Variants in EDIL3 observed in about 807,000 individuals in gnomAD.
The protein encoded by EDIL3 is EGF like and discoidin domains 3.
In EDIL3, 37 loss-of-function variants were observed where a neutral mutation model predicts 67.4. The observed-to-expected ratio is 0.55, with a 90% CI of 0.42 to 0.72. The LOEUF (loss-of-function observed/expected upper bound fraction) is 0.72. Ranked by LOEUF, EDIL3 falls within the 30% of genes least tolerant of loss-of-function variation. The pLI, the probability that EDIL3 is intolerant of heterozygous loss-of-function variation, is 0.00. For missense variants in EDIL3, 527 were observed against 586.3 expected (o/e 0.90, Z 1.04); for synonymous variants, 195 against 196.3 (o/e 0.99, Z 0.05).
chr5:84,165,003 G>C (rs941120001), intron 4 of EDIL3, among the ~76,000 whole-genome samples: 2 of 152,010 alleles, frequency 1.3e-5, no homozygotes, highest in Admixed American at 1.3e-4. Context: ...GGGAAATTAA[G>C]GATCCTGAAG....
chr5:84,158,456 A>T (rs182342733), intron 4 of EDIL3, among the ~76,000 whole-genome samples: 24 of 152,194 alleles, frequency 1.6e-4, no homozygotes, highest in South Asian at 4.1e-4. Flanking sequence ...ACATGCCCTG[A>T]ATTATCCTAC....
chr5:84,273,159 A>G (rs2112098532), intron 1 of EDIL3, among the ~76,000 whole-genome samples: 1 of 152,282 alleles, frequency 6.6e-6, no homozygotes, highest in African/African-American at 2.4e-5. Flanking sequence ...CTTTAGTAAG[A>G]GCAAGGAAAT....
At chr5:84,173,090 G>A (rs750011568) in intron 4 of EDIL3, among the ~76,000 whole-genome samples, 5 of 152,194 alleles carry the variant, frequency 3.3e-5, no homozygotes, top group African/African-American at 4.8e-5. Flanking sequence ...CTGAGAAGGA[G>A]AAATCTGCGA....
chr5:84,344,390 G>A (rs1747194754), intron 1 of EDIL3, among the ~76,000 whole-genome samples: 2 of 151,876 alleles, frequency 1.3e-5, no homozygotes, highest in South Asian at 4.2e-4. Context: ...CATATATTGT[G>A]GCAAGTGTGA....
intron 5 of EDIL3, among the ~76,000 whole-genome samples, chr5:84,107,192 T>C (rs772381570): frequency 1.3e-5 from 2 of 152,082 alleles, no homozygotes; most frequent in Non-Finnish European, 2.9e-5. Context: ...GCCTCACAAA[T>C]TATAAGCTCT....
chr5:84,106,065 T>G (rs978067376), intron 6 of EDIL3, among the ~76,000 whole-genome samples: 23 of 152,094 alleles, frequency 1.5e-4, no homozygotes, highest in African/African-American at 5.1e-4. Flanking sequence ...AGCATTGAAA[T>G]GTACAGAAAT....
chr5:84,332,513 AG>A (rs1419664035), intron 1 of EDIL3, among the ~76,000 whole-genome samples: 1 of 152,222 alleles, frequency 6.6e-6, no homozygotes, highest in Non-Finnish European at 1.5e-5. Context: ...CATGAACTCA[AG>A]TAACTGTTTT....
intron 9 of EDIL3, among the ~76,000 whole-genome samples, chr5:84,054,787 C>A (rs1387983446): frequency 6.6e-6 from 1 of 151,172 alleles, no homozygotes; most frequent in African/African-American, 2.5e-5. Context: ...GAACTACAAA[C>A]CACTGCTCAA....
intron 9 of EDIL3, among the ~76,000 whole-genome samples, chr5:84,032,163 T>G (rs1745936399): frequency 6.6e-6 from 1 of 152,210 alleles, no homozygotes; most frequent in African/African-American, 2.4e-5. Flanking sequence ...TAAGATCAAT[T>G]AACATTCTCT....
intron 9 of EDIL3, among the ~76,000 whole-genome samples, chr5:84,021,994 C>T (rs1175495784): frequency 6.6e-6 from 1 of 151,872 alleles, no homozygotes; most frequent in Non-Finnish European, 1.5e-5. Context: ...TAATACCAAT[C>T]CTCCCCAAGT....
intron 6 of EDIL3, among the ~76,000 whole-genome samples, chr5:84,075,874 G>A (rs992158977): frequency 1.6e-5 from 2 of 124,834 alleles, no homozygotes; most frequent in Admixed American, 9.2e-5. Context: ...GTACAAACAC[G>A]TGCAAAAGTG....
chr5:84,311,312 CT>C (rs900034474), intron 1 of EDIL3, among the ~76,000 whole-genome samples: 1,634 of 93,874 alleles, frequency 0.017, 25 homozygotes, highest in African/African-American at 0.048. Flanking sequence ...AATGTATTTT[CT>C]TTTTTTTTTT....
At chr5:84,236,771 T>C (rs1027708515) in intron 2 of EDIL3, among the ~76,000 whole-genome samples, 1 of 151,952 alleles carries the variant, frequency 6.6e-6, no homozygotes, top group African/African-American at 2.4e-5. Context: ...GTAAATTTAA[T>C]GACTGTTTTT....
At chr5:84,215,560 C>A (rs918915915) in intron 3 of EDIL3, among the ~76,000 whole-genome samples, 1 of 152,094 alleles carries the variant, frequency 6.6e-6, no homozygotes, top group African/African-American at 2.4e-5. Context: ...TTAAGATGGG[C>A]AGATATTTTT....
At chr5:84,346,135 CT>C (rs912729041) in intron 1 of EDIL3, among the ~76,000 whole-genome samples, 262 of 122,900 alleles carry the variant, frequency 2.1e-3, no homozygotes, top group African/African-American at 5.9e-3. Flanking sequence ...CTTTTTTTTT[CT>C]TTTTTTTTTT....
At chr5:84,141,938 T>C (rs1483416347) in intron 4 of EDIL3, among the ~76,000 whole-genome samples, 1 of 135,684 alleles carries the variant, frequency 7.4e-6, no homozygotes, top group African/African-American at 2.9e-5. Flanking sequence ...TATATATATA[T>C]ATATATATAC....
chr5:84,253,256 A>G (rs1282274433), intron 2 of EDIL3, among the ~76,000 whole-genome samples: 1 of 152,194 alleles, frequency 6.6e-6, no homozygotes, highest in African/African-American at 2.4e-5. Flanking sequence ...CAGGTTGACA[A>G]AACATGTTTG....
chr5:84,076,086 A>T (rs958431025), intron 6 of EDIL3, among the ~76,000 whole-genome samples: 2 of 151,676 alleles, frequency 1.3e-5, no homozygotes, highest in Admixed American at 1.3e-4. Context: ...TATGAAAATA[A>T]TTATATTGTT....
At chr5:84,346,082 T>G (rs1747232618) in intron 1 of EDIL3, among the ~76,000 whole-genome samples, 1 of 152,000 alleles carries the variant, frequency 6.6e-6, no homozygotes, top group Admixed American at 6.6e-5. Context: ...ATTCATTTAT[T>G]TCTACTCTTT....
Sources: allele counts gnomAD v4.1 joint callset (sites outside exome capture counted in the v4.1 genomes callset), GRCh38; gene constraint gnomAD v4.1.1; transcripts MANE v1.5; gene names NCBI Gene and HGNC (gene_info 2026-07-23, HGNC 2026-07-21).